Variants in SPOCK3 observed in about 807,000 individuals in gnomAD.
The protein encoded by SPOCK3 is testican-3.
In SPOCK3, 30 loss-of-function variants were observed where a neutral mutation model predicts 56.6. The ratio of observed to expected loss-of-function variants is 0.53; its 90% CI spans 0.40 to 0.72. SPOCK3 has a LOEUF of 0.72. Ranked by LOEUF, SPOCK3 falls within the 30% of genes least tolerant of loss-of-function variation. The pLI is 0.00. For synonymous variants in SPOCK3, 196 were observed against 183.3 expected (o/e 1.07, Z -0.56); for missense variants, 527 against 530.0 (o/e 0.99, Z 0.06).
At chr4:167,148,501 T>C (rs1055131410) in intron 2 of SPOCK3, among the ~76,000 whole-genome samples, 16 of 152,152 alleles carry the variant, frequency 1.1e-4, no homozygotes, top group Admixed American at 9.8e-4. Context: ...GTTAAACTTT[T>C]ACTCTACTAC....
chr4:166,751,277 C>G (rs972852456), intron 8 of SPOCK3, among the ~76,000 whole-genome samples: 2 of 152,132 alleles, frequency 1.3e-5, no homozygotes, highest in Non-Finnish European at 2.9e-5. Context: ...ACTTTGACAT[C>G]TCTTCCTGTT....
intron 2 of SPOCK3, among the ~76,000 whole-genome samples, chr4:167,181,567 ACT>A (rs1342987582): frequency 6.6e-6 from 1 of 151,692 alleles, no homozygotes; most frequent in Non-Finnish European, 1.5e-5. Flanking sequence ...CCTTACTACC[ACT>A]CTGACTTTAT....
chr4:167,078,308 CTGTGTG>C (rs3082377), intron 2 of SPOCK3, among the ~76,000 whole-genome samples: 11,373 of 104,618 alleles, frequency 0.11, 583 homozygotes, highest in Non-Finnish European at 0.13. Context: ...GGTCATAACT[CTGTGTG>C]TGTGTGTGTG....
intron 2 of SPOCK3, among the ~76,000 whole-genome samples, chr4:167,211,178 C>A (rs569514509): frequency 6.6e-6 from 1 of 152,112 alleles, no homozygotes; most frequent in Admixed American, 6.6e-5. Context: ...GACTTGCGTG[C>A]GGCCTGTAGC....
intron 4 of SPOCK3, among the ~76,000 whole-genome samples, chr4:166,941,497 T>G (rs1189072227): frequency 1.3e-5 from 2 of 152,226 alleles, no homozygotes; most frequent in African/African-American, 4.8e-5. Flanking sequence ...TGTGTTTTTT[T>G]GTAATACAGT....
chr4:167,075,158 G>A (rs1757061759), intron 2 of SPOCK3, among the ~76,000 whole-genome samples: 1 of 151,536 alleles, frequency 6.6e-6, no homozygotes. Flanking sequence ...TTTGTCAGGA[G>A]GAACCAGTTT....
At chr4:166,754,468 C>A in intron 8 of SPOCK3, 40 bp downstream of exon 8, 1 of 1,571,412 alleles carries the variant, frequency 6.4e-7, no homozygotes, top group Non-Finnish European at 8.6e-7. Flanking sequence ...ATTTGACATG[C>A]AGGTCAACTA....
intron 4 of SPOCK3, among the ~76,000 whole-genome samples, chr4:166,925,676 A>AT (rs57461276): frequency 0.23 from 34,899 of 150,082 alleles, 4,433 homozygotes; most frequent in Non-Finnish European, 0.29. Flanking sequence ...TCCAAGGTAA[A>AT]TTTTTTTTTT....
intron 2 of SPOCK3, among the ~76,000 whole-genome samples, chr4:167,166,105 A>G (rs757090479): frequency 3.9e-5 from 6 of 152,078 alleles, no homozygotes; most frequent in Non-Finnish European, 8.8e-5. Flanking sequence ...ATGAAATTCT[A>G]TAGCAAAAAT....
chr4:166,754,946 C>T (rs757470479), intron 7 of SPOCK3, among the ~76,000 whole-genome samples: 6 of 151,872 alleles, frequency 4.0e-5, no homozygotes, highest in Non-Finnish European at 7.4e-5. Flanking sequence ...AACCAGAAAG[C>T]ATTTGGTACT....
chr4:167,088,152 TAACATAC>T, intron 2 of SPOCK3, among the ~76,000 whole-genome samples: 1 of 152,150 alleles, frequency 6.6e-6, no homozygotes, highest in East Asian at 1.9e-4. Context: ...GGAGAAAAGT[TAACATAC>T]AATAGATGCC....
rs1229027889 is a variant in SPOCK3, at chr4:166,734,230, G to A, written c.*691C>T. ...AAAGAATCTTTTAAAAAATCTGCATGAGACTGCCATCCAAATTAAAATACA... is the reference window on the plus strand; with the variant it reads ...AAAGAATCTTTTAAAAAATCTGCATAAGACTGCCATCCAAATTAAAATACA... On this transcript the variant is annotated 3_prime_UTR_variant, in exon 11 of 11. Transcript: ENST00000357545. 4 of 151,808 alleles carry A rather than the reference G, an allele frequency of 2.6e-5. No homozygotes were observed. The highest frequency in any genetic ancestry group is 4.4e-5 in the Non-Finnish European group (3 of 67,804). 9.4% of individuals were successfully genotyped at this position (151,808 alleles called of 1,614,324 possible).
intron 2 of SPOCK3, among the ~76,000 whole-genome samples, chr4:167,068,740 C>T (rs1330023992): frequency 1.3e-5 from 2 of 151,654 alleles, no homozygotes; most frequent in Non-Finnish European, 1.5e-5. Context: ...TTATTGTGCT[C>T]CAGTAGATTC....
chr4:166,976,484 T>G (rs1159526879), intron 4 of SPOCK3, among the ~76,000 whole-genome samples: 1 of 152,108 alleles, frequency 6.6e-6, no homozygotes, highest in Non-Finnish European at 1.5e-5. Context: ...CCTGAAACTC[T>G]CAGTCTTGAC....
intron 4 of SPOCK3, among the ~76,000 whole-genome samples, chr4:166,962,149 C>A (rs562167213): frequency 3.9e-5 from 6 of 152,252 alleles, no homozygotes; most frequent in African/African-American, 1.4e-4. Context: ...TATGAGCCTA[C>A]TCCAATAATC....
intron 4 of SPOCK3, among the ~76,000 whole-genome samples, chr4:166,916,733 C>A (rs1324502515): frequency 6.6e-6 from 1 of 152,128 alleles, no homozygotes; most frequent in Non-Finnish European, 1.5e-5. Flanking sequence ...CCTTGGCAAG[C>A]CAGCCACCTC....
At chr4:166,925,266 A>G (rs1738954999) in intron 4 of SPOCK3, among the ~76,000 whole-genome samples, 1 of 152,180 alleles carries the variant, frequency 6.6e-6, no homozygotes, top group South Asian at 2.1e-4. Context: ...CTCTTTGAAA[A>G]TACAAAAACC....
At chr4:167,205,556 TA>T (rs1734211697) in intron 2 of SPOCK3, among the ~76,000 whole-genome samples, 2 of 76,306 alleles carry the variant, frequency 2.6e-5, no homozygotes, top group African/African-American at 5.5e-5. Context: ...ATATAATATA[TA>T]ATATATATTA....
intron 2 of SPOCK3, among the ~76,000 whole-genome samples, chr4:167,180,495 G>T (rs1480311926): frequency 6.6e-6 from 1 of 152,180 alleles, no homozygotes; most frequent in Non-Finnish European, 1.5e-5. Flanking sequence ...ATAAAATTAA[G>T]AGAACCTTGA....
Sources: allele counts gnomAD v4.1 joint callset (sites outside exome capture counted in the v4.1 genomes callset), GRCh38; gene constraint gnomAD v4.1.1; transcripts MANE v1.5; gene names NCBI Gene and HGNC (gene_info 2026-07-23, HGNC 2026-07-21).